Variants in POLI observed in about 807,000 individuals in gnomAD.
The protein encoded by POLI is DNA polymerase iota.
POLI carries 58 observed loss-of-function variants against 51.6 expected under a neutral mutation model. That is an observed-to-expected ratio of 1.12 (90% CI 0.91 to 1.40). POLI has a LOEUF of 1.40. Ranked by LOEUF, POLI falls within the 40% of genes most tolerant of loss-of-function variation. The probability of loss-of-function intolerance (pLI) is 0.00; values close to 1 mark genes in which losing one functional copy is unlikely to be tolerated. For synonymous variants in POLI, 322 were observed against 299.7 expected, an observed-to-expected ratio of 1.07 and a Z score of -0.77; for missense variants, 921 against 871.3, an observed-to-expected ratio of 1.06 and a Z score of -0.72.
At chr18:54,286,171 A>G (rs1437074777) in intron 7 of POLI, among the ~76,000 whole-genome samples, 1 of 152,076 alleles carries the variant, frequency 6.6e-6, no homozygotes, top group African/African-American at 2.4e-5. Flanking sequence ...GCCCAGAACT[A>G]TTTTTTTCAG....
Position 54,274,053 on chromosome 18 carries a change from C to T in POLI, c.369C>T (p.Asp123=). 2.0e-6 allele frequency: 3 copies of T among 1,518,690 alleles called. No individual in the cohort carries two copies. The highest frequency in any genetic ancestry group is 1.4e-5 in the African/African-American group (1 of 71,226). The allele number at this position is 1,518,690 out of a possible 1,614,324, so 94.1% of individuals were successfully genotyped here. A position where few individuals can be genotyped will look rare whatever the true frequency, so the allele number is the denominator to read the frequency against. Reference sequence around the variant, plus strand: ...AGTTGGTATTAGTTAATGGAGAAGACCTGACCCGCTACAGAGAAATGTCTT... The same window carrying T: ...AGTTGGTATTAGTTAATGGAGAAGATCTGACCCGCTACAGAGAAATGTCTT... ...CPQLVLVNGE[D]LTRYREMSYK... Residue 123 remains aspartate (D), a synonymous_variant, in exon 3 of 10, where the codon GAC becomes GAT. Transcript: ENST00000579534.
intron 3 of POLI, chr18:54,311,222 C>T: frequency 2.6e-6 from 1 of 391,124 alleles, no homozygotes; most frequent in Non-Finnish European, 3.5e-6. Flanking sequence ...CTGCTGTTGC[C>T]TCTGTTGTTG....
chr18:54,277,890 A>G (rs1283770319), intron 4 of POLI, 35 bp downstream of exon 4: 1 of 1,458,520 alleles, frequency 6.9e-7, no homozygotes, highest in Middle Eastern at 1.8e-4. Context: ...CCTACTAACC[A>G]AAAGTACATA....
intron 3 of POLI, among the ~76,000 whole-genome samples, chr18:54,316,667 G>C (rs1204798374): frequency 1.3e-5 from 2 of 152,274 alleles, no homozygotes; most frequent in East Asian, 3.9e-4. Flanking sequence ...CTTTTGGGCA[G>C]TAGAGGGCTC....
chr18:54,296,173 A>AT lies in POLI; in HGVS notation c.*1710dup, dbSNP rs2088316072. 1 of 984,452 alleles carries AT rather than the reference A, an allele frequency of 1.0e-6. No homozygotes were observed. The highest frequency in any genetic ancestry group is 1.2e-6 in the Non-Finnish European group (1 of 829,042). 61.0% of individuals were successfully genotyped at this position (984,452 alleles called of 1,614,324 possible). ...ATAACTTTTTGTAAATCATTAAAAC[A>AT]TTTTATAGTCCTTGTAATGATTTCA... On this transcript the variant is annotated 3_prime_UTR_variant, in exon 10 of 10. Coordinates refer to ENST00000579534, the MANE Select transcript of POLI (RefSeq NM_007195.3).
At chr18:54,271,228 TCA>T in intron 1 of POLI, 130 bp from the exon 2 acceptor site, 1 of 683,480 alleles carries the variant, frequency 1.5e-6, no homozygotes, top group Non-Finnish European at 2.3e-6. Context: ...TTCGATGCTT[TCA>T]CACATAATCC....
intron 3 of POLI, among the ~76,000 whole-genome samples, chr18:54,309,822 A>G (rs955587091): frequency 6.6e-6 from 1 of 152,102 alleles, no homozygotes; most frequent in Non-Finnish European, 1.5e-5. Flanking sequence ...ATGCCAAGCC[A>G]CCTCGCAGTT....
rs2088342057 is a variant in POLI, at chr18:54,296,598, A to G, written c.*2131A>G. ...TATTTCTTCTCTATTCTAGGACTGTATACAAATGATAGACTTTCTTACTGT... is the reference window on the plus strand; with the variant it reads ...TATTTCTTCTCTATTCTAGGACTGTGTACAAATGATAGACTTTCTTACTGT... On this transcript the variant is annotated 3_prime_UTR_variant, in exon 10 of 10. Coordinates refer to ENST00000579534, the MANE Select transcript of POLI (RefSeq NM_007195.3). 1 of 160,326 alleles carries G rather than the reference A, an allele frequency of 6.2e-6. No individual in the cohort carries two copies. Among genetic ancestry groups the G allele is most frequent in the Non-Finnish European group, 1.3e-5 (1 of 75,520 alleles). The allele number at this position is 160,326 out of a possible 1,614,324, so 9.9% of individuals were successfully genotyped here.
rs188148805 is a variant in POLI, at chr18:54,286,815, A to T, written c.1068-466A>T. ...AAAAATTAGCCAGGTGTGGTCACAC[A>T]TGCCTGTAGTCCCAGCTACTCAGGA... On this transcript the variant is annotated intron_variant, in intron 7 of 9. Coordinates refer to ENST00000579534, the MANE Select transcript of POLI (RefSeq NM_007195.3). Among the ~76,000 whole-genome samples, 12 of 152,198 alleles carry T rather than the reference A, an allele frequency of 7.9e-5. No homozygotes were observed. In the East Asian group the frequency reaches 2.3e-3, roughly 29 times the overall value.
At chr18:54,289,089 G>A (rs1165193165) in intron 8 of POLI, among the ~76,000 whole-genome samples, 1 of 151,660 alleles carries the variant, frequency 6.6e-6, no homozygotes. Context: ...TTTCTTGTAG[G>A]GTTTTTTCTT....
At chr18:54,280,512 G>C (rs2087446234) in intron 4 of POLI, among the ~76,000 whole-genome samples, 155 bp from the exon 5 acceptor site, 1 of 152,162 alleles carries the variant, frequency 6.6e-6, no homozygotes, top group Non-Finnish European at 1.5e-5. Flanking sequence ...GGTTTGGAGG[G>C]GACAAATATC....
chr18:54,280,709 G>T lies in POLI; in HGVS notation c.602G>T (p.Gly201Val). 2.5e-6 allele frequency: 4 copies of T among 1,613,618 alleles called. No individual in the cohort carries two copies. The highest frequency in any genetic ancestry group is 3.4e-6 in the Non-Finnish European group (4 of 1,179,532). Residue 201 changes from glycine to valine, a missense_variant, in exon 5 of 10, where the codon GGA becomes GTA. Gly to Val is a moderately radical substitution (Grantham distance 109). Coordinates refer to ENST00000579534, the MANE Select transcript of POLI (RefSeq NM_007195.3). ...LDVLHIRLLV[G>V]SQIAAEMREA... Reference sequence around the variant, plus strand: ...GTCTTGCACATCAGACTACTTGTTGGATCTCAGATTGCAGCAGAGATGCGG... The same window carrying T: ...GTCTTGCACATCAGACTACTTGTTGTATCTCAGATTGCAGCAGAGATGCGG...
At chr18:54,293,253 T>C (rs935601311) in intron 9 of POLI, among the ~76,000 whole-genome samples, 25 of 152,126 alleles carry the variant, frequency 1.6e-4, no homozygotes, top group African/African-American at 5.8e-4. Context: ...AGAATAGTAA[T>C]TTTTGGAAAA....
chr18:54,277,037 G>T (rs1051149181), intron 3 of POLI, among the ~76,000 whole-genome samples: 4 of 151,970 alleles, frequency 2.6e-5, no homozygotes, highest in South Asian at 4.1e-4. Context: ...TAGTTTTTTT[G>T]AATTTATTTT....
chr18:54,304,644 G>T (rs909803124), intron 3 of POLI, among the ~76,000 whole-genome samples: 39 of 152,030 alleles, frequency 2.6e-4, no homozygotes, highest in African/African-American at 9.4e-4. Flanking sequence ...TAACTTCTTT[G>T]TAGATTCTGG....
chr18:54,309,887 C>G lies in POLI; in HGVS notation c.334-10386C>G, dbSNP rs552281850. ...CAAGGCTCCATGGGCATGGGACCTG[C>G]TGAGCCTTGCCTGGGATATAATCTC... On this transcript the variant is annotated intron_variant, in intron 3 of 4. Coordinates refer to the POLI transcript ENST00000579823. 3.3e-5 allele frequency among the ~76,000 whole-genome samples: 5 copies of G among 152,348 alleles called. No individual in the cohort carries two copies. The East Asian group carries it at 9.7e-4, about 29-fold the overall frequency.
chr18:54,296,314 A>C lies in POLI; in HGVS notation c.*1847A>C. On this transcript the variant is annotated 3_prime_UTR_variant, in exon 10 of 10. Coordinates refer to ENST00000579534, the MANE Select transcript of POLI (RefSeq NM_007195.3). Reference sequence around the variant, plus strand: ...AGTTAAAAATACATTTCATAGATTGAGAATGTACGGGCTATGTCACAGTTA... The same window carrying C: ...AGTTAAAAATACATTTCATAGATTGCGAATGTACGGGCTATGTCACAGTTA... 1 of 984,790 alleles carries C rather than the reference A, an allele frequency of 1.0e-6. No individual in the cohort carries two copies. The highest frequency in any genetic ancestry group is 1.2e-6 in the Non-Finnish European group (1 of 829,360). The allele number at this position is 984,790 out of a possible 1,614,324, so 61.0% of individuals were successfully genotyped here.
intron 3 of POLI, among the ~76,000 whole-genome samples, chr18:54,308,326 C>T (rs2088621525): frequency 6.6e-6 from 1 of 152,152 alleles, no homozygotes; most frequent in Non-Finnish European, 1.5e-5. Context: ...GATTTTATTT[C>T]TCCTTCACTT....
chr18:54,296,054 T>C lies in POLI; in HGVS notation c.*1587T>C. 5.1e-6 allele frequency: 5 copies of C among 985,204 alleles called. No individual in the cohort carries two copies. The highest frequency in any genetic ancestry group is 6.0e-6 in the Non-Finnish European group (5 of 829,708). The allele number at this position is 985,204 out of a possible 1,614,324, so 61.0% of individuals were successfully genotyped here. A position where few individuals can be genotyped will look rare whatever the true frequency, so the allele number is the denominator to read the frequency against. ...CTTGAAGCAAGAACATCAGAAATTG[T>C]TCACCATGCAAATATTTAGTACTCT... On this transcript the variant is annotated 3_prime_UTR_variant, in exon 10 of 10. Transcript: ENST00000579534.
Sources: gnomAD v4.1 joint callset for allele counts (sites outside exome capture counted in the v4.1 genomes callset) on GRCh38, gnomAD v4.1.1 for gene constraint, MANE v1.5 for transcripts, NCBI Gene and HGNC (gene_info 2026-07-23, HGNC 2026-07-21) for gene names.